The following SLC22A6 variants were observed in gnomAD, a reference collection of about 807,000 sequenced individuals.
SLC22A6 encodes the protein solute carrier family 22 member 6.
Under a neutral mutation model 56.7 loss-of-function variants are expected in SLC22A6, and 45 were observed. The observed-to-expected ratio is 0.79, with a 90% CI of 0.63 to 1.02. The LOEUF (loss-of-function observed/expected upper bound fraction) is 1.02, where lower values mean the gene tolerates loss of function less well. Ranked by LOEUF, SLC22A6 falls within the 50% of genes least tolerant of loss-of-function variation. The probability of loss-of-function intolerance (pLI) is 0.00; values close to 1 mark genes in which losing one functional copy is unlikely to be tolerated. For missense variants in SLC22A6, 606 were observed against 713.8 expected (o/e 0.85, Z 1.72); for synonymous variants, 291 against 295.9 (o/e 0.98, Z 0.17).
intron 9 of SLC22A6, 54 bp from the exon 10 acceptor site, chr11:62,976,935 C>G: frequency 1.3e-6 from 2 of 1,599,438 alleles, no homozygotes; most frequent in South Asian, 1.1e-5. Context: ...AGGCCAGGGC[C>G]GGGATATGGA....
rs769864870 is a variant in SLC22A6, at chr11:62,981,852, T to C, written c.787A>G (p.Ile263Val). ...CTAGGCCCCACGCACCAGGAGTAGATGAAGAAGGCAAAAAAAGGCGCAGAG... is the reference window on the plus strand; with the variant it reads ...CTAGGCCCCACGCACCAGGAGTAGACGAAGAAGGCAAAAAAAGGCGCAGAG... ...LVSAPFFAFFIYSWFFIESAR... is the reference protein window; with the variant it reads ...LVSAPFFAFFVYSWFFIESAR... Residue 263 changes from isoleucine (I) to valine (V), a missense_variant, in exon 4 of 10, where the codon ATC (isoleucine) becomes GTC (valine). Transcript: ENST00000360421. 7.4e-6 allele frequency: 12 copies of C among 1,611,348 alleles called. No homozygotes were observed. Among genetic ancestry groups the C allele is most frequent in the East Asian group, 2.2e-5 (1 of 44,830 alleles).
Position 62,979,806 on chromosome 11 carries a change from G to A in SLC22A6, c.1180C>T (p.Arg394Cys), listed in dbSNP as rs753484858. ...VGFLVINSLG[R>C]RPAQMAALLL... Reference sequence around the variant, plus strand: ...AGTGCAGCCATCTGGGCAGGCCGGCGACCCAGGGAGTTGATGACAAGGAAG... The same window carrying A: ...AGTGCAGCCATCTGGGCAGGCCGGCAACCCAGGGAGTTGATGACAAGGAAG... Residue 394 changes from arginine to cysteine, a missense_variant, in exon 7 of 10, where the codon CGC (arginine) becomes TGC (cysteine). Physicochemically the swap from Arg to Cys is radical, Grantham distance 180. Coordinates refer to ENST00000360421, the MANE Select transcript of SLC22A6 (RefSeq NM_153276.3). 2.5e-5 allele frequency: 40 copies of A among 1,614,170 alleles called. No homozygotes were observed. Among genetic ancestry groups the A allele is most frequent in the Non-Finnish European group, 3.2e-5 (38 of 1,180,022 alleles).
chr11:62,976,947 G>T, intron 9 of SLC22A6, 66 bp from the exon 10 acceptor site: 2 of 1,561,548 alleles, frequency 1.3e-6, no homozygotes, highest in Non-Finnish European at 1.8e-6. Flanking sequence ...GGATATGGAG[G>T]CTCCCAGGGG....
intron 8 of SLC22A6, among the ~76,000 whole-genome samples, chr11:62,978,981 T>A (rs1413405196): frequency 6.6e-6 from 1 of 152,192 alleles, no homozygotes; most frequent in Non-Finnish European, 1.5e-5. Context: ...GCCCCCATTC[T>A]TGTTTCTTAA....
Position 62,976,651 on chromosome 11 carries a change from G to C in SLC22A6, c.*143C>G. 3.2e-6 allele frequency: 2 copies of C among 623,528 alleles called. No homozygotes were observed. The highest frequency in any genetic ancestry group is 5.6e-6 in the Non-Finnish European group (2 of 354,904). The allele number at this position is 623,528 out of a possible 1,614,324, so 38.6% of individuals were successfully genotyped here. ...GGTTCTGGTGGGGTTTATAAAGGGAGGTGGACCCCTGGGAAGATGCTTTCC... is the reference window on the plus strand; with the variant it reads ...GGTTCTGGTGGGGTTTATAAAGGGACGTGGACCCCTGGGAAGATGCTTTCC... On this transcript the variant is annotated 3_prime_UTR_variant, in exon 10 of 10. Coordinates refer to ENST00000360421, the MANE Select transcript of SLC22A6 (RefSeq NM_153276.3).
intron 1 of SLC22A6, 88 bp downstream of exon 1, chr11:62,984,234 T>C (rs2086290112): frequency 1.0e-5 from 15 of 1,496,100 alleles, no homozygotes; most frequent in African/African-American, 1.4e-5. Context: ...ACTCAGCAGT[T>C]AATTTCTCCA....
At chr11:62,982,141 G>A (rs2086262988) in intron 3 of SLC22A6, 131 bp from the exon 4 acceptor site, 2 of 822,846 alleles carry the variant, frequency 2.4e-6, no homozygotes, top group Non-Finnish European at 3.7e-6. Context: ...TGAGTGCCAG[G>A]GTGATGGGAG....
At chr11:62,980,022 G>A in intron 6 of SLC22A6, 74 bp from the exon 7 acceptor site, 2 of 1,035,448 alleles carry the variant, frequency 1.9e-6, no homozygotes, top group Non-Finnish European at 1.5e-6. Context: ...AAACAGTGGG[G>A]GAACTGCATT....
rs1358267103 is a variant in SLC22A6 at position 62,983,338 on chromosome 11, C to T, written c.628+199G>A. ...GGATTACAGGTGTGAGCCACTGCGC[C>T]TGGCCCGCAATCCTGTTTTTAAATG... On this transcript the variant is annotated intron_variant, in intron 3 of 9. Transcript: ENST00000360421. The surrounding 1 kb of genome is among the most constrained non-coding windows in gnomAD (Gnocchi z 4.5). Among the ~76,000 whole-genome samples, 1 of 152,230 alleles carries T rather than the reference C, an allele frequency of 6.6e-6. No individual in the cohort carries two copies. The highest frequency in any genetic ancestry group is 2.4e-5 in the African/African-American group (1 of 41,448).
Position 62,980,905 on chromosome 11 carries a change from CTCTGGCCTCTTT to C in SLC22A6, c.1037+68_1037+79del, listed in dbSNP as rs561547680. ...GGTCTGCTGACCTTCCTGCCCTCTTCTCTGGCCTCTTTCACCCATTGTGTCTCCTCCTGCCCC... is the reference window on the plus strand; with the variant it reads ...GGTCTGCTGACCTTCCTGCCCTCTTCCACCCATTGTGTCTCCTCCTGCCCC... On this transcript the variant is annotated intron_variant, in intron 6 of 9. Coordinates refer to ENST00000360421, the MANE Select transcript of SLC22A6 (RefSeq NM_153276.3). The C allele has an allele frequency of 1.5e-4, 177 of 1,219,822 alleles. 1 individual carries two copies. The African/African-American group carries it at 1.7e-3, about 12-fold the overall frequency. The allele number at this position is 1,219,822 out of a possible 1,614,324, so 75.6% of individuals were successfully genotyped here.
intron 8 of SLC22A6, 137 bp from the exon 9 acceptor site, chr11:62,977,524 G>A: frequency 9.5e-7 from 1 of 1,055,242 alleles, no homozygotes; most frequent in South Asian, 1.7e-5. Context: ...CATTTGATTA[G>A]CAAACCAATT....
rs755249293 is a variant in SLC22A6 at position 62,984,452 on chromosome 11, C to T, written c.239G>A (p.Arg80His). 65 of 1,613,780 alleles carry T rather than the reference C, an allele frequency of 4.0e-5. No individual in the cohort carries two copies. In the South Asian group the frequency reaches 4.9e-4, roughly 12 times the overall value. Residue 80 changes from arginine (R) to histidine (H), a missense_variant, in exon 1 of 10, where the codon CGC (arginine) becomes CAC (histidine). Physicochemically the swap from Arg to His is conservative, Grantham distance 29 (BLOSUM62 0). Transcript: ENST00000360421. ...DRQGQPESCL[R>H]FTSPQWGLPF... ...CAGTCCCCACTGCGGGGAGGTGAAGCGGAGGCAGGACTCAGGCTGCCCCTG... is the reference window on the plus strand; with the variant it reads ...CAGTCCCCACTGCGGGGAGGTGAAGTGGAGGCAGGACTCAGGCTGCCCCTG...
rs769827557 is a variant in SLC22A6 at position 62,984,687 on chromosome 11, C to A, written c.4G>T (p.Ala2Ser). Reference sequence around the variant, plus strand: ...ACCTGCTGCAGGAGGTCATTAAAGGCCATTGGGCCAGGCCCAGCCCAGTGG... The same window carrying A: ...ACCTGCTGCAGGAGGTCATTAAAGGACATTGGGCCAGGCCCAGCCCAGTGG... M[A>S]FNDLLQQVGG... The change falls in exon 1 of 10, where the codon GCC becomes TCC. Residue 2 changes from alanine (A) to serine (S), a missense_variant. Ala to Ser is a moderately conservative substitution (Grantham distance 99, BLOSUM62 1). Coordinates refer to ENST00000360421, the MANE Select transcript of SLC22A6 (RefSeq NM_153276.3). The A allele has an allele frequency of 1.6e-5, 26 of 1,612,184 alleles. No individual in the cohort carries two copies. In the Admixed American group the frequency reaches 1.8e-4, roughly 11 times the overall value.
intron 1 of SLC22A6, 104 bp from the exon 2 acceptor site, chr11:62,984,151 C>A: frequency 8.4e-7 from 1 of 1,190,858 alleles, no homozygotes. Flanking sequence ...CCCTCTTCCT[C>A]CGGCACTTTG....
chr11:62,983,463 G>A lies in SLC22A6; in HGVS notation c.628+74C>T, dbSNP rs1029975613. ...GGCAGGCAGGGCTCAGGAGGGGCAG[G>A]CTGGGAGGGGAGGCTGGAAAGGGGT... is the stretch of plus-strand genomic sequence containing the variant. On this transcript the variant is annotated intron_variant, in intron 3 of 9. Transcript: ENST00000360421. This position sits in a 1 kb window ranked among gnomAD's most constrained non-coding sequence, Gnocchi z 4.5. 1.6e-5 allele frequency: 23 copies of A among 1,482,746 alleles called. No homozygotes were observed. The highest frequency in any genetic ancestry group is 4.6e-4 in the Middle Eastern group (2 of 4,378). The allele number at this position is 1,482,746 out of a possible 1,614,324, so 91.8% of individuals were successfully genotyped here. A position where few individuals can be genotyped will look rare whatever the true frequency, so the allele number is the denominator to read the frequency against.
Position 62,979,746 on chromosome 11 carries a change from C to T in SLC22A6, c.1240G>A (p.Val414Met). 2 of 1,614,130 alleles carry T rather than the reference C, an allele frequency of 1.2e-6. No homozygotes were observed. The highest frequency in any genetic ancestry group is 1.7e-6 in the Non-Finnish European group (2 of 1,180,016). ...LAGICILLNG[V>M]IPQDQSIVRT... ...CGTGGGTGCTCACCCTGGGGTATCA[C>T]CCCATTGAGCAGGATGCAGATGCCT... The change falls in exon 7 of 10, where the codon GTG (valine) becomes ATG (methionine). Residue 414 changes from valine to methionine, a missense_variant. Coordinates refer to ENST00000360421, the MANE Select transcript of SLC22A6 (RefSeq NM_153276.3).
Position 62,983,719 on chromosome 11 carries a change from G to C in SLC22A6, c.474-28C>G, listed in dbSNP as rs766058192. ...GTGGGAGGAGGGGAGACTTGTAGCAGGGCCCTGGAGACTGATGGGGGTCAG... is the reference window on the plus strand; with the variant it reads ...GTGGGAGGAGGGGAGACTTGTAGCACGGCCCTGGAGACTGATGGGGGTCAG... On this transcript the variant is annotated intron_variant, in intron 2 of 9. Transcript: ENST00000360421. The surrounding 1 kb of genome is among the most constrained non-coding windows in gnomAD (Gnocchi z 4.5). 1 of 1,588,602 alleles carries C rather than the reference G, an allele frequency of 6.3e-7. No homozygotes were observed. Among genetic ancestry groups the C allele is most frequent in the South Asian group, 1.1e-5 (1 of 87,538 alleles).
intron 8 of SLC22A6, among the ~76,000 whole-genome samples, 165 bp downstream of exon 8, chr11:62,979,318 TAGGCC>T (rs991535591): frequency 1.1e-4 from 17 of 152,218 alleles, no homozygotes; most frequent in Admixed American, 1.0e-3. Flanking sequence ...CTGTGTTAGC[TAGGCC>T]ATGAGGTGTG....
At position 62,983,070 on chromosome 11, in the gene SLC22A6, A is replaced by C. The variant is rs1017249860; in HGVS notation, c.628+467T>G. On this transcript the variant is annotated intron_variant, in intron 3 of 9. Transcript: ENST00000360421. The surrounding 1 kb of genome is among the most constrained non-coding windows in gnomAD (Gnocchi z 4.5). ...TGCTTTTTTTTTTTTTTTGAGACAG[A>C]GTCTCGCTCTATTGCCCAGGCTGGA... 3.3e-5 allele frequency among the ~76,000 whole-genome samples: 5 copies of C among 149,718 alleles called. No homozygotes were observed. Among genetic ancestry groups the C allele is most frequent in the Non-Finnish European group, 5.9e-5 (4 of 67,596 alleles).
Sources: allele counts gnomAD v4.1 joint callset (sites outside exome capture counted in the v4.1 genomes callset), GRCh38; gene constraint gnomAD v4.1.1; non-coding constraint Gnocchi (gnomAD v3.1); transcripts MANE v1.5; gene names NCBI Gene and HGNC (gene_info 2026-07-23, HGNC 2026-07-21).